Variants in PCDHGB3 observed in about 807,000 individuals in gnomAD.
The protein encoded by PCDHGB3 is protocadherin gamma subfamily B, 3.
In PCDHGB3, 40 loss-of-function variants were observed where a neutral mutation model predicts 59.2. The ratio of observed to expected loss-of-function variants is 0.68; its 90% CI spans 0.52 to 0.88. The LOEUF (loss-of-function observed/expected upper bound fraction) is 0.88, where lower values mean the gene tolerates loss of function less well. Among genes scored for constraint, PCDHGB3 ranks in the 40% least tolerant of loss-of-function variants. The probability of loss-of-function intolerance (pLI) is 0.00; values close to 1 mark genes in which losing one functional copy is unlikely to be tolerated. For synonymous variants in PCDHGB3, 581 were observed against 503.6 expected (o/e 1.15, Z -2.06); for missense variants, 1,309 against 1,187.9 (o/e 1.10, Z -1.50).
intron 1 of PCDHGB3, chr5:141,415,400 C>T (rs754292889): frequency 2.5e-6 from 4 of 1,614,228 alleles, no homozygotes; most frequent in South Asian, 1.1e-5. Flanking sequence ...GTGTCCGGCT[C>T]GCACTTTGTG....
Position 141,400,095 on chromosome 5 carries a change from G to A in PCDHGB3, c.2415+27286G>A, listed in dbSNP as rs6873830. ...CGCCACTCTCCGCCACCGCCACGCT[G>A]CACTTGGTCTTTGCTGACAGCTTGC... On this transcript the variant is annotated intron_variant, in intron 1 of 3. Coordinates refer to ENST00000576222, the MANE Select transcript of PCDHGB3 (RefSeq NM_018924.5). 3.0e-3 allele frequency: 4,838 copies of A among 1,614,064 alleles called. 144 individuals are homozygous for A. The African/African-American group carries it at 0.056, about 19-fold the overall frequency.
chr5:141,401,350 A>G (rs1046893336), intron 1 of PCDHGB3, among the ~76,000 whole-genome samples: 2 of 152,226 alleles, frequency 1.3e-5, no homozygotes, highest in Non-Finnish European at 2.9e-5. Flanking sequence ...CTCAAAAAAA[A>G]GGAAGGAGAA....
In PCDHGB3 at chr5:141,428,010, G is replaced by C. The variant is rs544491298; in HGVS notation, c.2415+55201G>C. The C allele has an allele frequency of 1.2e-4, 192 of 1,603,004 alleles. 6 individuals are homozygous for C. In the South Asian group the frequency reaches 2.0e-3, roughly 17 times the overall value. ...CGATGGCTCCGCACTCTTCGATATA[G>C]TGCCACGCGCCGCAGAGTCCGGCTA... On this transcript the variant is annotated intron_variant, in intron 1 of 3. Transcript: ENST00000576222.
At chr5:141,384,434 G>A in intron 1 of PCDHGB3, 1 of 1,614,024 alleles carries the variant, frequency 6.2e-7, no homozygotes, top group Non-Finnish European at 8.5e-7. Flanking sequence ...TCTGACACTG[G>A]AGTCCTGTAC....
chr5:141,405,260 T>A, intron 1 of PCDHGB3: 1 of 1,614,140 alleles, frequency 6.2e-7, no homozygotes, highest in South Asian at 1.1e-5. Flanking sequence ...TCACCTGATC[T>A]TCCCCCAGCC....
rs141605264 is a variant in PCDHGB3, at chr5:141,479,755, A to C, written c.2416-15052A>C. The C allele has an allele frequency of 2.6e-3, 390 of 152,364 alleles. 2 individuals are homozygous for C. The highest frequency in any genetic ancestry group is 9.1e-3 in the African/African-American group (378 of 41,580). 9.4% of individuals were successfully genotyped at this position (152,364 alleles called of 1,614,324 possible). On this transcript the variant is annotated intron_variant, in intron 1 of 3. Coordinates refer to ENST00000576222, the MANE Select transcript of PCDHGB3 (RefSeq NM_018924.5). ...AGTATATGCACAATGTGAAAGGTAG[A>C]TAAATTCATATCCTTAGACAGGTAA...
chr5:141,413,032 C>A, intron 1 of PCDHGB3: 1 of 766,948 alleles, frequency 1.3e-6, no homozygotes, highest in Non-Finnish European at 2.0e-6. Context: ...CACAAACCGG[C>A]TGCTGGGCTG....
chr5:141,385,573 C>T lies in PCDHGB3; in HGVS notation c.2415+12764C>T, dbSNP rs576834153. 10 of 1,295,026 alleles carry T rather than the reference C, an allele frequency of 7.7e-6. No individual in the cohort carries two copies. In the East Asian group the frequency reaches 2.7e-4, roughly 35 times the overall value. The allele number at this position is 1,295,026 out of a possible 1,614,324, so 80.2% of individuals were successfully genotyped here. On this transcript the variant is annotated intron_variant, in intron 1 of 3. Coordinates refer to ENST00000576222, the MANE Select transcript of PCDHGB3 (RefSeq NM_018924.5). Reference sequence around the variant, plus strand: ...ACATTTTATAATTTCCACCTACTTTCCAATCTATGTTCCAACCTACTTTCT... The same window carrying T: ...ACATTTTATAATTTCCACCTACTTTTCAATCTATGTTCCAACCTACTTTCT...
Position 141,371,031 on chromosome 5 carries a change from ACAG to A in PCDHGB3, c.639_641del (p.Ala214del), listed in dbSNP as rs763935015. 1 of 1,613,990 alleles carries A rather than the reference ACAG, an allele frequency of 6.2e-7. No homozygotes were observed. Among genetic ancestry groups the A allele is most frequent in the East Asian group, 2.2e-5 (1 of 44,884 alleles). On this transcript the variant is annotated inframe_deletion, in exon 1 of 4. Coordinates refer to ENST00000576222, the MANE Select transcript of PCDHGB3 (RefSeq NM_018924.5). Reference sequence around the variant, plus strand: ...GCAGCCACATCACCACCTGGTCCTCACAGCTGTGGATGGGGGCGAGCCCTCCAG... The same window carrying A: ...GCAGCCACATCACCACCTGGTCCTCACTGTGGATGGGGGCGAGCCCTCCAG...
intron 1 of PCDHGB3, chr5:141,478,636 T>G: frequency 1.3e-6 from 2 of 1,552,744 alleles, no homozygotes; most frequent in South Asian, 2.4e-5. Flanking sequence ...TTTTTAGTGA[T>G]GAAGATGTTT....
Position 141,491,739 on chromosome 5 carries a change from C to A in PCDHGB3, c.2416-3068C>A, listed in dbSNP as rs372183034. ...CGCCGCCCCGGGCGACCCCTGGGGG[C>A]GGCACTGGAGAAGCCGCCCGTCCTC... On this transcript the variant is annotated intron_variant, in intron 1 of 3. Transcript: ENST00000576222. The surrounding 1 kb of genome is among the most constrained non-coding windows in gnomAD (Gnocchi z 6.9). 2 of 1,598,886 alleles carry A rather than the reference C, an allele frequency of 1.3e-6. No individual in the cohort carries two copies. The highest frequency in any genetic ancestry group is 1.3e-5 in the African/African-American group (1 of 74,290).
At chr5:141,376,753 C>A in intron 1 of PCDHGB3, 1 of 450,078 alleles carries the variant, frequency 2.2e-6, no homozygotes, top group South Asian at 2.7e-5. Flanking sequence ...GTGGCGCAAT[C>A]TCGGCTCACT....
chr5:141,501,381 T>A (rs1261533671), intron 2 of PCDHGB3, among the ~76,000 whole-genome samples: 4 of 151,750 alleles, frequency 2.6e-5, no homozygotes, highest in African/African-American at 9.7e-5. Flanking sequence ...TCTTAAATCC[T>A]AGGTCCTGTC....
rs1368451336 is a variant in PCDHGB3 at position 141,505,377 on chromosome 5, C to T, written c.2475-16C>T. ...CGGCCTGGGAGTCTGTGCTCACCAT[C>T]CTACTCTCTCCCCAGCTCCCAAAAT... On this transcript the variant is annotated splice_polypyrimidine_tract_variant and intron_variant, in intron 2 of 3. Transcript: ENST00000576222. The T allele has an allele frequency of 6.2e-7, 1 of 1,614,036 alleles. No individual in the cohort carries two copies. Among genetic ancestry groups the T allele is most frequent in the Non-Finnish European group, 8.5e-7 (1 of 1,179,954 alleles).
intron 1 of PCDHGB3, among the ~76,000 whole-genome samples, chr5:141,452,455 C>T (rs2098741536): frequency 6.6e-6 from 1 of 152,208 alleles, no homozygotes; most frequent in Non-Finnish European, 1.5e-5. Flanking sequence ...GCCTTGTCAG[C>T]AGACGGAGCT....
Position 141,389,722 on chromosome 5 carries a change from G to C in PCDHGB3, c.2415+16913G>C, listed in dbSNP as rs141134077. 15,348 of 1,612,674 alleles carry C rather than the reference G, an allele frequency of 9.5e-3. 102 individuals are homozygous for C. The highest frequency in any genetic ancestry group is 0.028 in the Middle Eastern group (161 of 5,786). On this transcript the variant is annotated intron_variant, in intron 1 of 3. Coordinates refer to ENST00000576222, the MANE Select transcript of PCDHGB3 (RefSeq NM_018924.5). ...CACGTGCTGCAGGCTAGCGAGCCCG[G>C]GCTCTTCAGCCTGGGGCTGCGCACG...
rs767842302 is a variant in PCDHGB3 at position 141,381,979 on chromosome 5, G to A, written c.2415+9170G>A. Among the ~76,000 whole-genome samples the A allele has an allele frequency of 2.6e-5, 4 of 151,486 alleles. 1 individual carries two copies. Among genetic ancestry groups the A allele is most frequent in the East Asian group, 3.9e-4 (2 of 5,156 alleles). On this transcript the variant is annotated intron_variant, in intron 1 of 3. Transcript: ENST00000576222. ...TGAGTAGCTGGGATTACAGGCGCGCGCCACCACGCCCGGATAATTTTGTAT... is the reference window on the plus strand; with the variant it reads ...TGAGTAGCTGGGATTACAGGCGCGCACCACCACGCCCGGATAATTTTGTAT...
rs765534200 is a variant in PCDHGB3 at position 141,410,067 on chromosome 5, G to A, written c.2415+37258G>A. 8.1e-6 allele frequency: 13 copies of A among 1,612,846 alleles called. No individual in the cohort carries two copies. In the South Asian group the frequency reaches 1.3e-4, roughly 16 times the overall value. ...CCCGGACTCTTCAGCCTGGGGCTGC[G>A]CACTGGGGAGGTGCGCACGGCTCGA... is the stretch of plus-strand genomic sequence containing the variant. On this transcript the variant is annotated intron_variant, in intron 1 of 3. Transcript: ENST00000576222.
chr5:141,404,468 T>G, intron 1 of PCDHGB3: 2 of 1,613,514 alleles, frequency 1.2e-6, no homozygotes, highest in Non-Finnish European at 8.5e-7. Context: ...CACCTATGTC[T>G]CTATTAACTC....
Sources: allele counts gnomAD v4.1 joint callset (sites outside exome capture counted in the v4.1 genomes callset), GRCh38; gene constraint gnomAD v4.1.1; non-coding constraint Gnocchi (gnomAD v3.1); transcripts MANE v1.5; gene names NCBI Gene and HGNC (gene_info 2026-07-23, HGNC 2026-07-21).